Variants in RILPL2 observed in about 807,000 individuals in gnomAD.
The protein encoded by RILPL2 is RILP-like protein 2.
Under a neutral mutation model 22.2 loss-of-function variants are expected in RILPL2, and 19 were observed. That is an observed-to-expected ratio of 0.86 (90% CI 0.60 to 1.25). The LOEUF is 1.25. RILPL2 is among the 50% of genes most tolerant of loss of function. RILPL2 has a pLI of 0.00. For missense variants in RILPL2, 243 were observed against 263.6 expected (o/e 0.92, Z 0.54); for synonymous variants, 123 against 111.6 (o/e 1.10, Z -0.64).
chr12:123,436,611 C>G lies in RILPL2; in HGVS notation c.-191G>C, dbSNP rs1286457577. The G allele has an allele frequency of 3.3e-6, 3 of 922,314 alleles. No individual in the cohort carries two copies. In the East Asian group the frequency reaches 8.0e-5, roughly 25 times the overall value. The allele number at this position is 922,314 out of a possible 1,614,324, so 57.1% of individuals were successfully genotyped here. A position where few individuals can be genotyped will look rare whatever the true frequency, so the allele number is the denominator to read the frequency against. On this transcript the variant is annotated 5_prime_UTR_variant, in exon 1 of 4. Transcript: ENST00000280571. The surrounding 1 kb of genome is among the most constrained non-coding windows in gnomAD (Gnocchi z 6.7). Reference sequence around the variant, plus strand: ...ACTCTTGGGCCTGCGCCCCGGCGCACCGTCCCCGCTGCCAGCCACGCTGGA... The same window carrying G: ...ACTCTTGGGCCTGCGCCCCGGCGCAGCGTCCCCGCTGCCAGCCACGCTGGA...
At chr12:123,410,036 C>G in the RILPL2 span, among the ~76,000 whole-genome samples, 1 of 151,916 alleles carries the variant, frequency 6.6e-6, no homozygotes, top group Non-Finnish European at 1.5e-5. Context: ...ACAGTAGAGA[C>G]AGGGTTTCAC....
At chr12:123,426,059 C>G (rs1211573738) in intron 2 of RILPL2, among the ~76,000 whole-genome samples, 1 of 152,028 alleles carries the variant, frequency 6.6e-6, no homozygotes, top group Non-Finnish European at 1.5e-5. Context: ...TCCTCCTGTC[C>G]CAAACTCCCA....
At chr12:123,416,833 C>T (rs1879131355) in intron 3 of RILPL2, among the ~76,000 whole-genome samples, 1 of 152,134 alleles carries the variant, frequency 6.6e-6, no homozygotes, top group South Asian at 2.1e-4. Flanking sequence ...AATTAGGTGT[C>T]CTAAGCTCCC....
Position 123,436,389 on chromosome 12 carries a change from T to C in RILPL2, c.32A>G (p.Glu11Gly). The C allele has an allele frequency of 6.4e-7, 1 of 1,551,000 alleles. No individual in the cohort carries two copies. The highest frequency in any genetic ancestry group is 8.7e-7 in the Non-Finnish European group (1 of 1,147,328). ...CTCCTCGTCCTCCTCTCCCTCCTCC[T>C]CTTCCTCTTCTCGCACAGGGGGCTC... The part of the protein sequence containing the change: MEEPPVREEE[E>G]EEGEEDEERD... Residue 11 changes from glutamate to glycine, a missense_variant, in exon 1 of 4, where the codon GAG (glutamate) becomes GGG (glycine). By Grantham distance (98) the Glu-to-Gly change is moderately conservative. Coordinates refer to ENST00000280571, the MANE Select transcript of RILPL2 (RefSeq NM_145058.3). This position sits in a 1 kb window ranked among gnomAD's most constrained non-coding sequence, Gnocchi z 6.7.
chr12:123,433,041 C>T (rs1423127281), intron 1 of RILPL2, among the ~76,000 whole-genome samples: 1 of 151,654 alleles, frequency 6.6e-6, no homozygotes, highest in African/African-American at 2.4e-5. Flanking sequence ...AAACTTCATA[C>T]TTCCATGTGA....
intron 1 of RILPL2, among the ~76,000 whole-genome samples, chr12:123,434,902 C>CT (rs1233176734): frequency 6.6e-6 from 1 of 151,422 alleles, no homozygotes; most frequent in Non-Finnish European, 1.5e-5. Flanking sequence ...GGGCTGGGTG[C>CT]TGTGGCTCAG....
intron 1 of RILPL2, among the ~76,000 whole-genome samples, chr12:123,435,019 G>GAA (rs60453874): frequency 1.1e-3 from 154 of 145,762 alleles, no homozygotes; most frequent in Admixed American, 1.6e-3. Context: ...TACCAAAAAA[G>GAA]AAAAAAAAAA....
downstream of RILPL2, chr12:123,412,181 A>AC (rs1878993484): frequency 6.6e-6 from 1 of 151,854 alleles, no homozygotes; most frequent in Admixed American, 6.6e-5. Flanking sequence ...TCACTCTGTC[A>AC]CCCAGGCTGG....
intron 3 of RILPL2, among the ~76,000 whole-genome samples, chr12:123,422,507 CTT>C (rs1178703718): frequency 1.3e-5 from 2 of 152,174 alleles, no homozygotes; most frequent in Non-Finnish European, 1.5e-5. Context: ...CAGAGTGAGA[CTT>C]TGTCTCAAAA....
At chr12:123,435,284 G>A (rs73412215) in intron 1 of RILPL2, among the ~76,000 whole-genome samples, 2 of 152,000 alleles carry the variant, frequency 1.3e-5, no homozygotes, top group Non-Finnish European at 1.5e-5. Flanking sequence ...TCAGCACCCC[G>A]TTCTTTTTCT....
At chr12:123,424,197 G>A (rs1263955333) in intron 2 of RILPL2, among the ~76,000 whole-genome samples, 1 of 152,018 alleles carries the variant, frequency 6.6e-6, no homozygotes, top group Non-Finnish European at 1.5e-5. Flanking sequence ...TCTCTGAACT[G>A]TTTTGTCTCT....
chr12:123,428,114 T>C (rs183742232), intron 2 of RILPL2, among the ~76,000 whole-genome samples: 1 of 152,224 alleles, frequency 6.6e-6, no homozygotes, highest in Admixed American at 6.6e-5. Flanking sequence ...TCTTTTTAAC[T>C]ACCTGTGCCT....
intron 3 of RILPL2, among the ~76,000 whole-genome samples, chr12:123,421,096 G>A (rs1879271320): frequency 6.6e-6 from 1 of 150,400 alleles, no homozygotes; most frequent in South Asian, 2.1e-4. Context: ...AGACTGGAGT[G>A]CAGTGGCACC....
chr12:123,429,937 G>A (rs1283588326), intron 2 of RILPL2, among the ~76,000 whole-genome samples: 4 of 151,302 alleles, frequency 2.6e-5, no homozygotes, highest in Admixed American at 1.3e-4. Context: ...GCAACATGGC[G>A]AGACCCTGTC....
chr12:123,435,849 C>A (rs966879815), intron 1 of RILPL2, among the ~76,000 whole-genome samples: 15 of 152,058 alleles, frequency 9.9e-5, no homozygotes, highest in African/African-American at 3.6e-4. Context: ...AGATTCTGGC[C>A]AGGCAGGGTG....
chr12:123,433,122 T>TTTTG (rs1879698614), intron 1 of RILPL2, among the ~76,000 whole-genome samples: 1 of 151,084 alleles, frequency 6.6e-6, no homozygotes, highest in African/African-American at 2.4e-5. Context: ...TTTTTTTTTT[T>TTTTG]GAGACGAAGT....
At chr12:123,420,446 A>T (rs1400396232) in intron 3 of RILPL2, among the ~76,000 whole-genome samples, 1 of 142,974 alleles carries the variant, frequency 7.0e-6, no homozygotes, top group Non-Finnish European at 1.5e-5. Flanking sequence ...GCCTATTTTT[A>T]TTTTTTTTGA....
At position 123,430,552 on chromosome 12, in the gene RILPL2, C is replaced by T; in HGVS notation, c.447G>A (p.Lys149=). 2 of 1,612,754 alleles carry T rather than the reference C, an allele frequency of 1.2e-6. No homozygotes were observed. Among genetic ancestry groups the T allele is most frequent in the Non-Finnish European group, 1.7e-6 (2 of 1,179,124 alleles). The change falls in exon 2 of 4, where the codon AAG becomes AAA. Residue 149 remains lysine (K), a synonymous_variant. Transcript: ENST00000280571. ...RDVLQERNKL[K]SQLLVVQEEL... ...CTTCCTGCACCACCAGGAGCTGCGA[C>T]TTGAGTTTGTTGCGTTCCTGCAGCA...
At chr12:123,410,816 T>C (rs1878952373), downstream of RILPL2, 1 of 152,290 alleles carries the variant, frequency 6.6e-6, no homozygotes, top group East Asian at 1.9e-4. Context: ...TTCTATTCAG[T>C]GTTTACAAGT....
Sources: allele counts gnomAD v4.1 joint callset (sites outside exome capture counted in the v4.1 genomes callset), GRCh38; gene constraint gnomAD v4.1.1; non-coding constraint Gnocchi (gnomAD v3.1); transcripts MANE v1.5; gene names NCBI Gene and HGNC (gene_info 2026-07-23, HGNC 2026-07-21).